Variants in TMED10 observed in about 807,000 individuals in gnomAD.
TMED10 encodes the protein transmembrane emp24 domain-containing protein 10.
Under a neutral mutation model 23.1 loss-of-function variants are expected in TMED10, and 7 were observed. The observed-to-expected ratio is 0.30, with a 90% confidence interval of 0.17 to 0.57. TMED10 has a LOEUF of 0.57. Ranked by LOEUF, TMED10 falls within the 20% of genes least tolerant of loss-of-function variation. TMED10 has a pLI of 0.91. For missense variants in TMED10, 162 were observed against 274.8 expected (o/e 0.59, Z 2.90); for synonymous variants, 113 against 106.9 (o/e 1.06, Z -0.35).
In TMED10 at chr14:75,168,164, CTCAAACACCCTTTAACCCA is replaced by C. The variant is rs894766995; in HGVS notation, c.225+8172_225+8190del. Among the ~76,000 whole-genome samples the C allele has an allele frequency of 1.3e-4, 20 of 152,152 alleles. 3 individuals are homozygous for C. Among genetic ancestry groups the C allele is most frequent in the Admixed American group, 1.3e-3 (20 of 15,250 alleles). ...GCTTCAGAAAGGCCTCCCCTGACCACTCAAACACCCTTTAACCCATCAGTCACCCCCTACTCCCTAGTGC... is the reference window on the plus strand; with the variant it reads ...GCTTCAGAAAGGCCTCCCCTGACCACTCAGTCACCCCCTACTCCCTAGTGC... On this transcript the variant is annotated intron_variant, in intron 1 of 4. Coordinates refer to ENST00000303575, the MANE Select transcript of TMED10 (RefSeq NM_006827.6).
At chr14:75,142,176 G>GTGC (rs1402000294) in intron 3 of TMED10, among the ~76,000 whole-genome samples, 3 of 152,180 alleles carry the variant, frequency 2.0e-5, no homozygotes, top group African/African-American at 2.4e-5. Context: ...GTAAGACAAT[G>GTGC]TGCACCACAG....
intron 1 of TMED10, among the ~76,000 whole-genome samples, chr14:75,153,447 C>A (rs1895979677): frequency 6.6e-6 from 1 of 152,196 alleles, no homozygotes; most frequent in South Asian, 2.1e-4. Context: ...AGGGCATATA[C>A]TGCTAAGTAA....
At chr14:75,156,095 A>C (rs184323477) in intron 1 of TMED10, among the ~76,000 whole-genome samples, 220 of 152,262 alleles carry the variant, frequency 1.4e-3, no homozygotes, top group African/African-American at 5.1e-3. Flanking sequence ...AGGAATTTGA[A>C]ACAGAATGAT....
At chr14:75,158,418 C>T (rs950996853) in intron 1 of TMED10, among the ~76,000 whole-genome samples, 1 of 152,124 alleles carries the variant, frequency 6.6e-6, no homozygotes, top group South Asian at 2.1e-4. Context: ...GCCTCAACCT[C>T]GTAGGCTCAA....
At chr14:75,153,060 T>G (rs1895974204) in intron 1 of TMED10, among the ~76,000 whole-genome samples, 1 of 152,138 alleles carries the variant, frequency 6.6e-6, no homozygotes, top group African/African-American at 2.4e-5. Context: ...AGGCGGAGGT[T>G]GCAGTGAGCC....
chr14:75,143,412 T>A (rs189462215), intron 3 of TMED10, among the ~76,000 whole-genome samples: 220 of 152,306 alleles, frequency 1.4e-3, no homozygotes, highest in African/African-American at 5.1e-3. Flanking sequence ...AGAAAAGGTA[T>A]TAATTCTCTG....
At chr14:75,159,315 G>A (rs1403849215) in intron 1 of TMED10, among the ~76,000 whole-genome samples, 1 of 152,178 alleles carries the variant, frequency 6.6e-6, no homozygotes, top group African/African-American at 2.4e-5. Flanking sequence ...AAGGAAGAAG[G>A]CTAATAATTA....
At chr14:75,145,524 G>T (rs559673709) in intron 3 of TMED10, among the ~76,000 whole-genome samples, 124 of 152,158 alleles carry the variant, frequency 8.1e-4, no homozygotes, top group Non-Finnish European at 1.2e-3. Flanking sequence ...GGTGCCTCAC[G>T]CATGTAATCC....
At chr14:75,172,478 T>A (rs1362071462) in intron 1 of TMED10, among the ~76,000 whole-genome samples, 2 of 152,086 alleles carry the variant, frequency 1.3e-5, no homozygotes, top group East Asian at 3.9e-4. Flanking sequence ...GCTAATTTTT[T>A]TTTAAATTTT....
At chr14:75,146,347 A>G (rs1400200322) in intron 3 of TMED10, among the ~76,000 whole-genome samples, 2 of 152,214 alleles carry the variant, frequency 1.3e-5, no homozygotes, top group Non-Finnish European at 2.9e-5. Flanking sequence ...TTTCCCTTCC[A>G]AAGTGCTGTC....
chr14:75,164,577 A>ATATATTTTTTT (rs1566675301), intron 1 of TMED10, among the ~76,000 whole-genome samples: 4 of 45,128 alleles, frequency 8.9e-5, no homozygotes, highest in Non-Finnish European at 1.4e-4. Flanking sequence ...ATATATATAT[A>ATATATTTTTTT]TTTTTTTTTT....
chr14:75,161,970 C>T (rs1179031042), intron 1 of TMED10, among the ~76,000 whole-genome samples: 5 of 151,166 alleles, frequency 3.3e-5, no homozygotes, highest in Non-Finnish European at 7.4e-5. Context: ...GAGCCTGGAG[C>T]ATCTTATAGT....
At chr14:75,154,492 A>AAAT (rs1895998064) in intron 1 of TMED10, among the ~76,000 whole-genome samples, 1 of 149,012 alleles carries the variant, frequency 6.7e-6, no homozygotes, top group Non-Finnish European at 1.5e-5. Flanking sequence ...ATTTTGGAAA[A>AAAT]AATTGATAAT....
intron 3 of TMED10, among the ~76,000 whole-genome samples, chr14:75,145,688 G>C (rs1895874438): frequency 6.6e-6 from 1 of 152,156 alleles, no homozygotes; most frequent in Non-Finnish European, 1.5e-5. Context: ...TCGGGAGGCT[G>C]AGGCAGGAGA....
chr14:75,137,015 C>CTT (rs778501589), intron 3 of TMED10: 11 of 139,006 alleles, frequency 7.9e-5, no homozygotes, highest in Admixed American at 1.4e-4. Flanking sequence ...CTTTCCAGAT[C>CTT]TTTTTTTTTT....
In TMED10 at chr14:75,153,416, T is replaced by C. The variant is rs138710389; in HGVS notation, c.226-1273A>G. On this transcript the variant is annotated intron_variant, in intron 1 of 4. Transcript: ENST00000303575. ...CTTAAGCTGCTCTATTACCAAAGAATGGCCTATCAGCACAGAATAAAGGGC... is the reference window on the plus strand; with the variant it reads ...CTTAAGCTGCTCTATTACCAAAGAACGGCCTATCAGCACAGAATAAAGGGC... 4.2e-3 allele frequency among the ~76,000 whole-genome samples: 641 copies of C among 152,264 alleles called. 5 individuals carry two copies. The highest frequency in any genetic ancestry group is 0.014 in the African/African-American group (601 of 41,538).
intron 1 of TMED10, among the ~76,000 whole-genome samples, chr14:75,174,694 G>A (rs541556780): frequency 1.3e-5 from 2 of 152,212 alleles, no homozygotes; most frequent in African/African-American, 2.4e-5. Context: ...CACACTACTG[G>A]GTTCCACTAC....
At chr14:75,144,617 G>A (rs77762397) in intron 3 of TMED10, among the ~76,000 whole-genome samples, 5,268 of 152,078 alleles carry the variant, frequency 0.035, 127 homozygotes, top group Non-Finnish European at 0.057. Flanking sequence ...TGAGTCCACA[G>A]ATATGAGGGA....
intron 3 of TMED10, among the ~76,000 whole-genome samples, chr14:75,147,185 G>GTTTTTTTTTTGTTTTTTTTTTTTT (rs1491353231): frequency 2.6e-5 from 3 of 116,616 alleles, no homozygotes; most frequent in African/African-American, 1.1e-4. Flanking sequence ...CTTCAAGGCT[G>GTTTTTTTTTTGTTTTTTTTTTTTT]TTTTTTTTTT....
Sources: allele counts gnomAD v4.1 joint callset (sites outside exome capture counted in the v4.1 genomes callset), GRCh38; gene constraint gnomAD v4.1.1; transcripts MANE v1.5; gene names NCBI Gene and HGNC (gene_info 2026-07-23, HGNC 2026-07-21).